Variants in DLGAP4 observed in about 807,000 individuals in gnomAD.
DLGAP4 encodes the protein disks large-associated protein 4.
In DLGAP4, 18 loss-of-function variants were observed where a neutral mutation model predicts 86.9. The observed-to-expected ratio is 0.21, with a 90% CI of 0.14 to 0.31. The LOEUF is 0.31. Among genes scored for constraint, DLGAP4 ranks in the 10% least tolerant of loss-of-function variants. DLGAP4 has a pLI of 1.00. For missense variants in DLGAP4, 1,085 were observed against 1,362.6 expected, an observed-to-expected ratio of 0.80 and a Z score of 3.21; for synonymous variants, 548 against 574.3, an observed-to-expected ratio of 0.95 and a Z score of 0.65.
chr20:36,340,164 C>A (rs1012769891), intron 1 of DLGAP4, among the ~76,000 whole-genome samples: 2 of 152,126 alleles, frequency 1.3e-5, no homozygotes, highest in Admixed American at 6.5e-5. Context: ...GGAACAGAGC[C>A]CCAAGTATGA....
intron 1 of DLGAP4, among the ~76,000 whole-genome samples, chr20:36,347,034 T>G (rs1188894738): frequency 1.3e-5 from 2 of 152,216 alleles, no homozygotes; most frequent in Non-Finnish European, 2.9e-5. Flanking sequence ...TTCCAGTCTT[T>G]TCCTCCTTCC....
intron 1 of DLGAP4, among the ~76,000 whole-genome samples, chr20:36,360,238 G>A (rs1034142403): frequency 1.3e-5 from 2 of 152,140 alleles, no homozygotes; most frequent in African/African-American, 2.4e-5. Context: ...GCTATGAGGC[G>A]GTAGAGCTGG....
rs1284780143 is a variant in DLGAP4 at position 36,402,038 on chromosome 20, A to G, written c.-72-29608A>G. On this transcript the variant is annotated intron_variant, in intron 2 of 12. Coordinates refer to ENST00000339266, the MANE Select transcript of DLGAP4 (RefSeq NM_001365621.2). ...GGGCCAGGGTTGGGGGTGTCAGTTC[A>G]TGCTACATCTGTGTTCAGTAGATGA... Among the ~76,000 whole-genome samples, 3 of 152,272 alleles carry G rather than the reference A, an allele frequency of 2.0e-5. No homozygotes were observed. In the East Asian group the frequency reaches 5.8e-4, roughly 29 times the overall value.
At chr20:36,318,405 C>T (rs2065132425) in intron 1 of DLGAP4, among the ~76,000 whole-genome samples, 1 of 152,164 alleles carries the variant, frequency 6.6e-6, no homozygotes, top group African/African-American at 2.4e-5. Context: ...AGGATTGTCT[C>T]CCTGTCTCCC....
chr20:36,418,791 G>A (rs1225905200), intron 2 of DLGAP4, among the ~76,000 whole-genome samples: 1 of 151,682 alleles, frequency 6.6e-6, no homozygotes, highest in Non-Finnish European at 1.5e-5. Flanking sequence ...TCAGTCACAC[G>A]TCCCCAGCAG....
intron 2 of DLGAP4, among the ~76,000 whole-genome samples, chr20:36,368,067 C>T (rs1426295773): frequency 1.3e-5 from 2 of 152,252 alleles, no homozygotes; most frequent in Non-Finnish European, 2.9e-5. Context: ...ACAACCACTT[C>T]ATTCCCTTCT....
At position 36,526,954 on chromosome 20, in the gene DLGAP4, T is replaced by G. The variant is rs1371852290; in HGVS notation, c.2902T>G (p.Ser968Ala). 1.9e-6 allele frequency: 3 copies of G among 1,613,590 alleles called. No individual in the cohort carries two copies. Among genetic ancestry groups the G allele is most frequent in the Non-Finnish European group, 2.5e-6 (3 of 1,179,896 alleles). ...KRLLAAKRAA[S>A]VRQNSATESA... ...ACTCCTGGCGGCCAAGCGGGCAGCT[T>G]CTGTGCGGCAGAACTCAGCCACCGA... The change falls in exon 13 of 13, where the codon TCT becomes GCT. Residue 968 changes from serine (S) to alanine (A), a missense_variant. Around this residue, in one of 2 missense-constraint regions of DLGAP4, gnomAD observed 1,082 missense variants for 1,344.1 expected, o/e 0.81. Coordinates refer to ENST00000339266, the MANE Select transcript of DLGAP4 (RefSeq NM_001365621.2).
intron 10 of DLGAP4, 40 bp from the exon 11 acceptor site, chr20:36,524,205 CCTGTG>C (rs2037561161): frequency 6.6e-7 from 1 of 1,522,906 alleles, no homozygotes. Context: ...CCCACCAAAC[CCTGTG>C]CTGTGCTAAA....
At chr20:36,396,328 CACACACACG>C (rs2031949492) in intron 2 of DLGAP4, among the ~76,000 whole-genome samples, 1 of 31,458 alleles carries the variant, frequency 3.2e-5, no homozygotes, top group Non-Finnish European at 7.6e-5. Context: ...CCAGCACACA[CACACACACG>C]CACACACACA....
At chr20:36,436,044 T>TG in intron 3 of DLGAP4, 65 bp from the exon 4 acceptor site, 1 of 1,475,116 alleles carries the variant, frequency 6.8e-7, no homozygotes, top group South Asian at 1.4e-5. Context: ...GTCCCGGAGA[T>TG]GGGGGTTCTC....
intron 7 of DLGAP4, among the ~76,000 whole-genome samples, chr20:36,455,860 C>T (rs2033865400): frequency 6.6e-6 from 1 of 152,130 alleles, no homozygotes; most frequent in African/African-American, 2.4e-5. Context: ...CAACCCTGTC[C>T]CCCAACCCTA....
intron 12 of DLGAP4, 79 bp from the exon 13 acceptor site, chr20:36,526,734 G>A (rs866166877): frequency 1.7e-5 from 23 of 1,349,246 alleles, no homozygotes; most frequent in Middle Eastern, 2.6e-4. Flanking sequence ...TCCAGCTGCC[G>A]GCATATGGTG....
In DLGAP4 at chr20:36,457,973, G is replaced by T. The variant is rs1184480866; in HGVS notation, c.1648+11036G>T. ...AGGAAGTGTGGGAATAAGCAGTGCT[G>T]GGAAGCGCTCCAGGCGGGGGGTGAG... is the stretch of plus-strand genomic sequence containing the variant. On this transcript the variant is annotated intron_variant, in intron 7 of 12. Coordinates refer to ENST00000339266, the MANE Select transcript of DLGAP4 (RefSeq NM_001365621.2). Among the ~76,000 whole-genome samples, 3 of 152,266 alleles carry T rather than the reference G, an allele frequency of 2.0e-5. No homozygotes were observed. In the East Asian group the frequency reaches 5.8e-4, roughly 29 times the overall value.
chr20:36,353,479 C>CT (rs2030227866), intron 1 of DLGAP4, among the ~76,000 whole-genome samples: 1 of 152,216 alleles, frequency 6.6e-6, no homozygotes, highest in South Asian at 2.1e-4. Context: ...GCCCTGGGGC[C>CT]TTTTTTCTGC....
chr20:36,352,050 A>G (rs2030173187), intron 1 of DLGAP4, among the ~76,000 whole-genome samples: 1 of 152,144 alleles, frequency 6.6e-6, no homozygotes, highest in South Asian at 2.1e-4. Context: ...GGTGACAGCT[A>G]CAGAAGCTCA....
intron 2 of DLGAP4, among the ~76,000 whole-genome samples, chr20:36,428,500 G>A (rs75758696): frequency 0.014 from 2,174 of 152,328 alleles, 28 homozygotes; most frequent in Non-Finnish European, 0.024. Context: ...GAAGCTGGTG[G>A]AAGCTGGGCC....
chr20:36,481,279 C>A (rs1161008064), intron 7 of DLGAP4, among the ~76,000 whole-genome samples: 1 of 152,162 alleles, frequency 6.6e-6, no homozygotes. Flanking sequence ...CATTAACAAT[C>A]CCCACCTTCC....
intron 12 of DLGAP4, 92 bp downstream of exon 12, chr20:36,526,098 T>TTCTCCGTGTGTCGTCTTTGAGCTGGGG: frequency 6.3e-7 from 1 of 1,578,142 alleles, no homozygotes; most frequent in African/African-American, 1.3e-5. Flanking sequence ...CTTGGCTCCC[T>TTCTCCGTGTGTCGTCTTTGAGCTGGGG]TCTCCGTGTG....
intron 2 of DLGAP4, among the ~76,000 whole-genome samples, chr20:36,373,370 C>T (rs988566342): frequency 6.6e-6 from 1 of 152,128 alleles, no homozygotes; most frequent in Non-Finnish European, 1.5e-5. Flanking sequence ...GATTTCTGTC[C>T]AAAGAAATAA....
Sources: gnomAD v4.1 joint callset for allele counts (sites outside exome capture counted in the v4.1 genomes callset) on GRCh38, gnomAD v4.1.1 for gene constraint, gnomAD v4.1.1 regional missense constraint, MANE v1.5 for transcripts, NCBI Gene and HGNC (gene_info 2026-07-23, HGNC 2026-07-21) for gene names.